Variants in CDH9 observed in about 807,000 individuals in gnomAD.
The protein encoded by CDH9 is cadherin-9.
CDH9 carries 28 observed loss-of-function variants against 70.9 expected under a neutral mutation model. The ratio of observed to expected loss-of-function variants is 0.40; its 90% CI spans 0.29 to 0.54. The LOEUF (loss-of-function observed/expected upper bound fraction) is 0.54. Ranked by LOEUF, CDH9 falls within the 20% of genes least tolerant of loss-of-function variation. The pLI is 0.59. For synonymous variants in CDH9, 409 were observed against 343.1 expected, an observed-to-expected ratio of 1.19 and a Z score of -2.12; for missense variants, 874 against 984.4, an observed-to-expected ratio of 0.89 and a Z score of 1.50.
chr5:27,013,747 G>C (rs1450585464), intron 1 of CDH9, among the ~76,000 whole-genome samples: 1 of 151,826 alleles, frequency 6.6e-6, no homozygotes, highest in Non-Finnish European at 1.5e-5. Context: ...AGATTTCAAG[G>C]CTCTGTCTTA....
At chr5:26,921,969 T>G (rs545678041) in intron 2 of CDH9, among the ~76,000 whole-genome samples, 3 of 144,340 alleles carry the variant, frequency 2.1e-5, no homozygotes, top group East Asian at 2.0e-4. Flanking sequence ...CGGGATTGAT[T>G]AAACAGAAGA....
intron 2 of CDH9, among the ~76,000 whole-genome samples, chr5:26,987,091 C>CTTTTTTTTTTTTTTTTTTTTTTTTTTTT (rs201154706): frequency 1.8e-5 from 2 of 108,268 alleles, no homozygotes; most frequent in Admixed American, 1.1e-4. Flanking sequence ...CACTTGTATT[C>CTTTTTTTTTTTTTTTTTTTTTTTTTTTT]TTTTTTTTTT....
rs895664918 is a variant in CDH9, at chr5:26,927,658, T to C, written c.229-11734A>G. 5.9e-4 allele frequency among the ~76,000 whole-genome samples: 90 copies of C among 152,056 alleles called. 1 individual carries two copies. The highest frequency in any genetic ancestry group is 5.8e-3 in the Admixed American group (88 of 15,220). ...TATGTCTAGTCTACATTAAGCATTC[T>C]GTGAAAGTTAGTTCTTAGGATTTTG... On this transcript the variant is annotated intron_variant, in intron 2 of 11. Coordinates refer to ENST00000231021, the MANE Select transcript of CDH9 (RefSeq NM_016279.4).
chr5:26,979,182 T>C (rs954311501), intron 2 of CDH9, among the ~76,000 whole-genome samples: 2 of 151,578 alleles, frequency 1.3e-5, no homozygotes, highest in Admixed American at 6.6e-5. Flanking sequence ...ATTATGCAGT[T>C]TACAATATAT....
intron 3 of CDH9, among the ~76,000 whole-genome samples, chr5:26,913,429 C>T (rs1741089092): frequency 2.0e-5 from 3 of 152,002 alleles, no homozygotes; most frequent in Admixed American, 1.3e-4. Flanking sequence ...TATCTGTATT[C>T]TTAAATCTTT....
At position 26,997,785 on chromosome 5, in the gene CDH9, T is replaced by G. The variant is rs541786299; in HGVS notation, c.-49-9403A>C. On this transcript the variant is annotated intron_variant, in intron 1 of 11. Coordinates refer to ENST00000231021, the MANE Select transcript of CDH9 (RefSeq NM_016279.4). ...TGTGATCTCGGCTCACCACAACCTC[T>G]GCCTCCTGGGTTCAAGCGATCCTCC... Among the ~76,000 whole-genome samples the G allele has an allele frequency of 2.0e-5, 3 of 151,062 alleles. No individual in the cohort carries two copies. The East Asian group carries it at 5.9e-4, about 30-fold the overall frequency.
intron 1 of CDH9, among the ~76,000 whole-genome samples, chr5:26,996,023 G>A (rs1374069651): frequency 1.3e-5 from 2 of 151,922 alleles, no homozygotes; most frequent in African/African-American, 4.8e-5. Context: ...GTGAATTACT[G>A]TAATTAAATA....
chr5:26,950,045 T>A (rs915074372), intron 2 of CDH9, among the ~76,000 whole-genome samples: 1 of 152,162 alleles, frequency 6.6e-6, no homozygotes, highest in South Asian at 2.1e-4. Context: ...CAGAGTGAAT[T>A]GGGGCTTTAA....
At chr5:26,903,293 A>G (rs1740887666) in intron 6 of CDH9, 1 of 356,136 alleles carries the variant, frequency 2.8e-6, no homozygotes, top group Non-Finnish European at 5.2e-6. Context: ...ATTTAAATAT[A>G]TCATCACACT....
intron 7 of CDH9, among the ~76,000 whole-genome samples, chr5:26,901,532 T>C (rs1223362392): frequency 2.0e-5 from 3 of 151,968 alleles, no homozygotes; most frequent in African/African-American, 7.2e-5. Flanking sequence ...TGATTATTAA[T>C]ATGCTATATG....
At chr5:27,009,766 A>G (rs112289636) in intron 1 of CDH9, among the ~76,000 whole-genome samples, 2,864 of 152,182 alleles carry the variant, frequency 0.019, 52 homozygotes, top group Non-Finnish European at 0.027. Context: ...TCTCTTAAAA[A>G]CGAAATGCCT....
At chr5:26,988,968 A>G in intron 1 of CDH9, among the ~76,000 whole-genome samples, 1 of 152,164 alleles carries the variant, frequency 6.6e-6, no homozygotes, top group East Asian at 1.9e-4. Context: ...GATCTTTTCC[A>G]ATCAATAACT....
In CDH9 at chr5:26,901,469, A is replaced by T. The variant is rs1488334503; in HGVS notation, c.1253+1007T>A. On this transcript the variant is annotated intron_variant, in intron 7 of 11. Transcript: ENST00000231021. ...GTGCAACAAATTGCTTTATGAATTA[A>T]CATATTTGGATAGTCCTAAAATGAA... Among the ~76,000 whole-genome samples the T allele has an allele frequency of 2.6e-5, 4 of 151,918 alleles. No individual in the cohort carries two copies. In the East Asian group the frequency reaches 7.7e-4, roughly 29 times the overall value.
chr5:26,892,285 G>A (rs1003860781), intron 7 of CDH9, among the ~76,000 whole-genome samples: 2 of 152,088 alleles, frequency 1.3e-5, no homozygotes, highest in African/African-American at 2.4e-5. Flanking sequence ...GAAAGTGAGT[G>A]CTTCTCAAAC....
At chr5:26,938,230 T>C (rs887953095) in intron 2 of CDH9, among the ~76,000 whole-genome samples, 1 of 151,040 alleles carries the variant, frequency 6.6e-6, no homozygotes, top group African/African-American at 2.4e-5. Context: ...GAAAAAGCCA[T>C]AGGCTGGAAT....
At chr5:26,917,862 T>G (rs1741175235) in intron 2 of CDH9, among the ~76,000 whole-genome samples, 1 of 152,114 alleles carries the variant, frequency 6.6e-6, no homozygotes, top group African/African-American at 2.4e-5. Context: ...AGATTAAACA[T>G]CTTCAAGTCA....
intron 2 of CDH9, among the ~76,000 whole-genome samples, chr5:26,971,134 C>G (rs1182586955): frequency 6.6e-6 from 1 of 152,070 alleles, no homozygotes; most frequent in African/African-American, 2.4e-5. Context: ...AAAATGGGAG[C>G]CTCTACTTCT....
At chr5:26,960,623 T>A (rs1245587006) in intron 2 of CDH9, among the ~76,000 whole-genome samples, 3 of 151,996 alleles carry the variant, frequency 2.0e-5, no homozygotes, top group African/African-American at 7.2e-5. Context: ...ACCATTTTAC[T>A]GAAAATGTAT....
intron 2 of CDH9, among the ~76,000 whole-genome samples, chr5:26,933,849 C>T (rs1295986665): frequency 6.6e-6 from 1 of 151,832 alleles, no homozygotes; most frequent in East Asian, 1.9e-4. Context: ...CACATTACTA[C>T]TATTAGATAT....
Sources: allele counts gnomAD v4.1 joint callset (sites outside exome capture counted in the v4.1 genomes callset), GRCh38; gene constraint gnomAD v4.1.1; transcripts MANE v1.5; gene names NCBI Gene and HGNC (gene_info 2026-07-23, HGNC 2026-07-21).